Variants in RIN2 observed in about 807,000 individuals in gnomAD.
RIN2 encodes Ras and Rab interactor 2.
A neutral mutation model predicts 78.0 loss-of-function variants in RIN2; 36 were observed. The ratio of observed to expected loss-of-function variants is 0.46; its 90% CI spans 0.35 to 0.61. The LOEUF (loss-of-function observed/expected upper bound fraction) is 0.61. Ranked by LOEUF, RIN2 falls within the 20% of genes least tolerant of loss-of-function variation. RIN2 has a pLI of 0.00. For missense variants in RIN2, 1,087 were observed against 1,159.7 expected (o/e 0.94, Z 0.91); for synonymous variants, 466 against 466.8 (o/e 1.00, Z 0.02).
chr20:19,891,500 GTTAGATT>G (rs1157748334), intron 3 of RIN2, among the ~76,000 whole-genome samples: 3 of 152,170 alleles, frequency 2.0e-5, no homozygotes, highest in Admixed American at 2.0e-4. Flanking sequence ...TTACATAGTA[GTTAGATT>G]TTAAAGTCAA....
intron 1 of RIN2, among the ~76,000 whole-genome samples, chr20:19,769,349 C>A (rs2034025461): frequency 6.6e-6 from 1 of 152,188 alleles, no homozygotes. Context: ...ATATGAAGAT[C>A]TGAAGAAGAA....
In RIN2 at chr20:19,975,179, G is replaced by A; in HGVS notation, c.1154G>A (p.Gly385Asp). Residue 385 changes from glycine (G) to aspartate (D), a missense_variant, in exon 9 of 13, where the codon GGC (glycine) becomes GAC (aspartate). Around this residue, in one of 8 missense-constraint regions of RIN2, gnomAD observed 706 missense variants for 667.5 expected, o/e 1.06. Coordinates refer to ENST00000255006, the MANE Select transcript of RIN2 (RefSeq NM_018993.4). The surrounding 1 kb of genome is among the most constrained non-coding windows in gnomAD (Gnocchi z 4.9). ...KTLSGGRPGAGPELELGTAGS... is the reference protein window; with the variant it reads ...KTLSGGRPGADPELELGTAGS... ...TTGAGCGGCGGCCGGCCGGGCGCAG[G>A]CCCGGAGCTGGAGCTGGGCACAGCT... is the stretch of plus-strand genomic sequence containing the variant. 2.5e-6 allele frequency: 4 copies of A among 1,609,232 alleles called. No individual in the cohort carries two copies. Among genetic ancestry groups the A allele is most frequent in the Non-Finnish European group, 8.5e-7 (1 of 1,178,214 alleles).
At chr20:19,764,163 A>G (rs976303280) in intron 1 of RIN2, among the ~76,000 whole-genome samples, 2 of 152,232 alleles carry the variant, frequency 1.3e-5, no homozygotes, top group Admixed American at 1.3e-4. Flanking sequence ...GGAATTCAAA[A>G]TTTAAAAAAA....
intron 2 of RIN2, among the ~76,000 whole-genome samples, chr20:19,865,529 C>T (rs1351088015): frequency 2.1e-5 from 3 of 145,544 alleles, no homozygotes; most frequent in East Asian, 4.0e-4. Flanking sequence ...CTCTGTTAAC[C>T]CAGGCTAAAG....
Position 19,974,930 on chromosome 20 carries a change from AGC to A in RIN2, c.907_908del (p.Arg303AspfsTer14). On this transcript the variant is annotated frameshift_variant, in exon 9 of 13. Coordinates refer to ENST00000255006, the MANE Select transcript of RIN2 (RefSeq NM_018993.4). LOFTEE classifies it high-confidence loss of function. ...AGGACTCCCAACGCGAATGGCACGG[AGC>A]GGACTCGGTCCCCCCCACCCAGGCC... 1 of 1,613,744 alleles carries A rather than the reference AGC, an allele frequency of 6.2e-7. No homozygotes were observed. Among genetic ancestry groups the A allele is most frequent in the Non-Finnish European group, 8.5e-7 (1 of 1,179,768 alleles).
chr20:19,977,539 A>G (rs2042318104), intron 9 of RIN2, among the ~76,000 whole-genome samples: 1 of 152,206 alleles, frequency 6.6e-6, no homozygotes, highest in African/African-American at 2.4e-5. Context: ...CACCCCTGTG[A>G]ACAGGCATCG....
chr20:19,840,504 G>A (rs886937025), intron 2 of RIN2, among the ~76,000 whole-genome samples: 1 of 152,156 alleles, frequency 6.6e-6, no homozygotes, highest in African/African-American at 2.4e-5. Flanking sequence ...TCCATAGAGA[G>A]CCCTTCCCCA....
chr20:19,796,328 AATT>A (rs1428837579), intron 1 of RIN2, among the ~76,000 whole-genome samples: 1 of 152,232 alleles, frequency 6.6e-6, no homozygotes, highest in Non-Finnish European at 1.5e-5. Flanking sequence ...AACATTTACT[AATT>A]AATCAAATTA....
chr20:19,962,698 T>C (rs1436318254), intron 6 of RIN2, among the ~76,000 whole-genome samples: 3 of 152,172 alleles, frequency 2.0e-5, no homozygotes, highest in Non-Finnish European at 4.4e-5. Context: ...AGGAAGGACT[T>C]GCTATAAAAA....
At chr20:19,829,418 CA>C (rs1463687596) in intron 2 of RIN2, among the ~76,000 whole-genome samples, 1 of 152,088 alleles carries the variant, frequency 6.6e-6, no homozygotes, top group Non-Finnish European at 1.5e-5. Context: ...TGCTTTCTCC[CA>C]GGGGTGAGTT....
At chr20:19,917,107 AT>A (rs200836610) in intron 3 of RIN2, among the ~76,000 whole-genome samples, 2 of 130,334 alleles carry the variant, frequency 1.5e-5, no homozygotes, top group African/African-American at 5.2e-5. Flanking sequence ...TATTTAAAAA[AT>A]TTAAAAAAAA....
At chr20:19,901,800 T>C (rs1600738705) in intron 3 of RIN2, among the ~76,000 whole-genome samples, 2 of 152,144 alleles carry the variant, frequency 1.3e-5, no homozygotes, top group East Asian at 1.9e-4. Flanking sequence ...GCAGATCACT[T>C]GAGGTTAGGT....
intron 3 of RIN2, among the ~76,000 whole-genome samples, chr20:19,917,689 C>T (rs2039742862): frequency 6.6e-6 from 1 of 152,156 alleles, no homozygotes; most frequent in South Asian, 2.1e-4. Flanking sequence ...TGTTTATTTC[C>T]ACTTAATAAC....
chr20:19,927,621 C>G (rs1407732719), intron 3 of RIN2, among the ~76,000 whole-genome samples: 1 of 152,004 alleles, frequency 6.6e-6, no homozygotes, highest in Non-Finnish European at 1.5e-5. Context: ...CACTGTGTTG[C>G]CCAGGCTGGT....
At chr20:19,913,885 G>C (rs1234519359) in intron 3 of RIN2, among the ~76,000 whole-genome samples, 3 of 152,202 alleles carry the variant, frequency 2.0e-5, no homozygotes, top group Non-Finnish European at 4.4e-5. Context: ...ATGCTGCTAT[G>C]AATGTGGATT....
At chr20:19,782,916 G>A (rs1297982958) in intron 1 of RIN2, among the ~76,000 whole-genome samples, 4 of 152,208 alleles carry the variant, frequency 2.6e-5, no homozygotes, top group Non-Finnish European at 1.5e-5. Flanking sequence ...TGGCTGTCCA[G>A]CTCAGGCCTG....
chr20:19,989,898 G>T lies in RIN2; in HGVS notation c.1763-108G>T, dbSNP rs1238436888. 3 of 1,097,650 alleles carry T rather than the reference G, an allele frequency of 2.7e-6. No individual in the cohort carries two copies. The African/African-American group carries it at 4.8e-5, about 17-fold the overall frequency. 68.0% of individuals were successfully genotyped at this position (1,097,650 alleles called of 1,614,324 possible). A position where few individuals can be genotyped will look rare whatever the true frequency, so the allele number is the denominator to read the frequency against. ...TTGGATGTTAAGGTGTACAATTTGT[G>T]TGCCTGCAACCAATGCATAGAGTTG... On this transcript the variant is annotated intron_variant, in intron 9 of 12. Coordinates refer to ENST00000255006, the MANE Select transcript of RIN2 (RefSeq NM_018993.4).
intron 12 of RIN2, among the ~76,000 whole-genome samples, chr20:19,997,302 T>C (rs2043000002): frequency 1.3e-5 from 2 of 152,296 alleles, no homozygotes; most frequent in South Asian, 4.1e-4. Context: ...CAGCAACAGC[T>C]ATGGCAGCCG....
chr20:19,965,149 T>G, intron 7 of RIN2, 125 bp downstream of exon 7: 1 of 758,722 alleles, frequency 1.3e-6, no homozygotes, highest in Non-Finnish European at 2.3e-6. Context: ...TTAAGACTGG[T>G]TACTTAAGTA....
Sources: gnomAD v4.1 joint callset for allele counts (sites outside exome capture counted in the v4.1 genomes callset) on GRCh38, gnomAD v4.1.1 for gene constraint, gnomAD v4.1.1 regional missense constraint, Gnocchi (gnomAD v3.1) non-coding constraint, MANE v1.5 for transcripts, NCBI Gene and HGNC (gene_info 2026-07-23, HGNC 2026-07-21) for gene names.